FBN2: variants seen among roughly 807,000 people sequenced by gnomAD.
FBN2 encodes the protein fibrillin 2.
Under a neutral mutation model 355.6 loss-of-function variants are expected in FBN2, and 105 were observed. The ratio of observed to expected loss-of-function variants is 0.30; its 90% CI spans 0.25 to 0.35. FBN2 has a LOEUF of 0.35. Ranked by LOEUF, FBN2 falls within the 10% of genes least tolerant of loss-of-function variation. The pLI, the probability that FBN2 is intolerant of heterozygous loss-of-function variation, is 1.00. For missense variants in FBN2, 3,280 were observed against 3,758.7 expected (o/e 0.87, Z 3.33); for synonymous variants, 1,350 against 1,301.2 (o/e 1.04, Z -0.81).
intron 64 of FBN2, among the ~76,000 whole-genome samples, chr5:128,260,643 A>G (rs1255971013): frequency 1.3e-5 from 2 of 152,246 alleles, no homozygotes; most frequent in African/African-American, 4.8e-5. Flanking sequence ...TGGGAACTTG[A>G]TGAATATCTC....
intron 55 of FBN2, among the ~76,000 whole-genome samples, chr5:128,281,752 C>T (rs1765553804): frequency 6.6e-6 from 1 of 152,210 alleles, no homozygotes; most frequent in African/African-American, 2.4e-5. Context: ...GTGGTGCAAT[C>T]TTGGCTCATT....
intron 6 of FBN2, among the ~76,000 whole-genome samples, chr5:128,458,308 A>G (rs1043134104): frequency 2.0e-5 from 3 of 152,034 alleles, no homozygotes; most frequent in Non-Finnish European, 4.4e-5. Context: ...GATTCATAAA[A>G]CAAGTTATTA....
intron 21 of FBN2, among the ~76,000 whole-genome samples, chr5:128,350,425 C>G (rs1194532463): frequency 6.6e-6 from 1 of 152,154 alleles, no homozygotes. Context: ...GTGGCGGGCA[C>G]CTCTAGTCCC....
chr5:128,328,744 C>T lies in FBN2; in HGVS notation c.4423G>A (p.Glu1475Lys), dbSNP rs756919574. 8.1e-6 allele frequency: 13 copies of T among 1,613,994 alleles called. No homozygotes were observed. The highest frequency in any genetic ancestry group is 2.2e-5 in the East Asian group (1 of 44,894). ...CLNVPGAYRC[E>K]CEMGFTPASD... ...GCTGGAGTGAAGCCCATCTCACACT[C>T]GCAGCGATATGCACCCGGGACATTA... Residue 1475 changes from glutamate to lysine, a missense_variant, in exon 34 of 65, where the codon GAG (glutamate) becomes AAG (lysine). Glu to Lys is a moderately conservative substitution (Grantham distance 56). This residue lies in a region of FBN2 where 2,284 missense variants were observed against 2,749.5 expected (regional missense o/e 0.83). Coordinates refer to ENST00000262464, the MANE Select transcript of FBN2 (RefSeq NM_001999.4).
chr5:128,444,768 T>C (rs1254339904), intron 7 of FBN2, among the ~76,000 whole-genome samples: 1 of 152,194 alleles, frequency 6.6e-6, no homozygotes. Context: ...AAATGTAACA[T>C]AGAAAAGCCT....
chr5:128,490,286 T>A (rs535564284), intron 5 of FBN2, among the ~76,000 whole-genome samples: 18 of 152,310 alleles, frequency 1.2e-4, no homozygotes, highest in Admixed American at 4.6e-4. Context: ...TTTTAACAGA[T>A]GTTAGCCATA....
chr5:128,291,604 T>A lies in FBN2; in HGVS notation c.6217A>T (p.Thr2073Ser), dbSNP rs777851586. 1.9e-6 allele frequency: 3 copies of A among 1,613,442 alleles called. No individual in the cohort carries two copies. The highest frequency in any genetic ancestry group is 2.7e-5 in the African/African-American group (2 of 74,856). ...CACTGGAAGCCCCCTGGAGTATTAGTACAGGAACCAAAAAGACAAATGTTG... is the reference window on the plus strand; with the variant it reads ...CACTGGAAGCCCCCTGGAGTATTAGAACAGGAACCAAAAAGACAAATGTTG... Reference protein sequence around the residue: ...DPNICLFGSCTNTPGGFQCLC... With the variant: ...DPNICLFGSCSNTPGGFQCLC... Residue 2073 changes from threonine to serine, a missense_variant, in exon 49 of 65, where the codon ACT (threonine) becomes TCT (serine). Physicochemically the swap from Thr to Ser is moderately conservative, Grantham distance 58. Transcript: ENST00000262464.
intron 7 of FBN2, among the ~76,000 whole-genome samples, chr5:128,425,016 CTT>C (rs11325028): frequency 5.3e-4 from 76 of 144,006 alleles, no homozygotes; most frequent in South Asian, 1.8e-3. Flanking sequence ...TTTCCTTTTC[CTT>C]TTTTTTTTTT....
At chr5:128,337,675 TGCACAACGCACACA>T (rs1004290424) in intron 27 of FBN2, among the ~76,000 whole-genome samples, 1 of 152,094 alleles carries the variant, frequency 6.6e-6, no homozygotes, top group Non-Finnish European at 1.5e-5. Context: ...TGGGCAAAGG[TGCACAACGCACACA>T]GTAGCTTTCC....
chr5:128,434,846 A>G (rs1456958081), intron 7 of FBN2, among the ~76,000 whole-genome samples: 1 of 152,110 alleles, frequency 6.6e-6, no homozygotes, highest in African/African-American at 2.4e-5. Flanking sequence ...AAAGTTCAAC[A>G]AAATGTTCAC....
chr5:128,532,500 T>C (rs905690546), intron 2 of FBN2, among the ~76,000 whole-genome samples: 2 of 152,184 alleles, frequency 1.3e-5, no homozygotes, highest in East Asian at 1.9e-4. Flanking sequence ...TTGAGTTCTC[T>C]CTTTCGGCAC....
At chr5:128,442,778 C>T (rs1221134063) in intron 7 of FBN2, among the ~76,000 whole-genome samples, 4 of 151,964 alleles carry the variant, frequency 2.6e-5, no homozygotes, top group African/African-American at 7.3e-5. Flanking sequence ...CATACATACA[C>T]ACACAGAGAG....
chr5:128,385,789 G>C (rs1215378707), intron 11 of FBN2, among the ~76,000 whole-genome samples: 1 of 152,066 alleles, frequency 6.6e-6, no homozygotes, highest in Admixed American at 6.6e-5. Flanking sequence ...TCTAATGAGA[G>C]GTGGTGCTGA....
chr5:128,294,202 G>GT (rs1315085559), intron 48 of FBN2, among the ~76,000 whole-genome samples: 2 of 152,094 alleles, frequency 1.3e-5, no homozygotes, highest in Non-Finnish European at 2.9e-5. Context: ...ATTCCATGGT[G>GT]TATATGTGCC....
chr5:128,353,641 C>G (rs1224243640), intron 20 of FBN2, among the ~76,000 whole-genome samples: 1 of 152,154 alleles, frequency 6.6e-6, no homozygotes, highest in African/African-American at 2.4e-5. Context: ...GTAAGATAAA[C>G]AACAGTTATT....
intron 8 of FBN2, among the ~76,000 whole-genome samples, chr5:128,406,881 C>T (rs1752940197): frequency 6.6e-6 from 1 of 152,206 alleles, no homozygotes; most frequent in African/African-American, 2.4e-5. Context: ...AAACTTACTA[C>T]ACAGTGAGCC....
chr5:128,264,930 T>C (rs1765081971), intron 62 of FBN2, among the ~76,000 whole-genome samples: 1 of 152,150 alleles, frequency 6.6e-6, no homozygotes, highest in South Asian at 2.1e-4. Context: ...ACTGAAAGGG[T>C]AGATATTATT....
intron 2 of FBN2, among the ~76,000 whole-genome samples, chr5:128,535,817 C>CAAA (rs10676699): frequency 4.3e-3 from 506 of 118,456 alleles, no homozygotes; most frequent in Middle Eastern, 9.1e-3. Context: ...TTCCAAAAAG[C>CAAA]AAAAAAAAAA....
At chr5:128,403,780 T>C (rs962921947) in intron 8 of FBN2, among the ~76,000 whole-genome samples, 4 of 151,976 alleles carry the variant, frequency 2.6e-5, no homozygotes, top group Admixed American at 2.0e-4. Flanking sequence ...AAAAAGATGA[T>C]TAAACACACT....
Sources: gnomAD v4.1 joint callset for allele counts (sites outside exome capture counted in the v4.1 genomes callset) on GRCh38, gnomAD v4.1.1 for gene constraint, gnomAD v4.1.1 regional missense constraint, MANE v1.5 for transcripts, NCBI Gene and HGNC (gene_info 2026-07-23, HGNC 2026-07-21) for gene names.